ITFG1: variants seen among roughly 807,000 people sequenced by gnomAD.
The protein encoded by ITFG1 is T-cell immunomodulatory protein.
In ITFG1, 34 loss-of-function variants were observed where a neutral mutation model predicts 81.8. That is an observed-to-expected ratio of 0.42 (90% CI 0.32 to 0.55). The LOEUF is 0.55. Among genes scored for constraint, ITFG1 ranks in the 20% least tolerant of loss-of-function variants. ITFG1 has a pLI of 0.17. For missense variants in ITFG1, 672 were observed against 755.4 expected (o/e 0.89, Z 1.29); for synonymous variants, 285 against 270.6 (o/e 1.05, Z -0.52).
At chr16:47,326,516 A>G (rs1967546431) in intron 8 of ITFG1, among the ~76,000 whole-genome samples, 1 of 152,192 alleles carries the variant, frequency 6.6e-6, no homozygotes, top group Non-Finnish European at 1.5e-5. Context: ...TTCAATTAGG[A>G]AAAGAGGAAG....
At chr16:47,312,194 C>A (rs527994609) in intron 9 of ITFG1, 15 of 152,266 alleles carry the variant, frequency 9.9e-5, no homozygotes, top group African/African-American at 3.6e-4. Flanking sequence ...GAGCGGAAAT[C>A]ATGCCATTAA....
chr16:47,183,471 C>T (rs917996891), intron 14 of ITFG1, among the ~76,000 whole-genome samples: 1 of 152,104 alleles, frequency 6.6e-6, no homozygotes, highest in African/African-American at 2.4e-5. Context: ...GGTCCCTGAC[C>T]CCTGACCCCT....
At chr16:47,157,205 G>A (rs769525808) in intron 17 of ITFG1, among the ~76,000 whole-genome samples, 16 of 152,152 alleles carry the variant, frequency 1.1e-4, no homozygotes, top group Non-Finnish European at 1.5e-4. Flanking sequence ...TGGAAATGGG[G>A]AAGGACCTTT....
intron 14 of ITFG1, among the ~76,000 whole-genome samples, chr16:47,209,784 G>A (rs892392247): frequency 3.3e-5 from 5 of 152,108 alleles, no homozygotes; most frequent in African/African-American, 1.2e-4. Flanking sequence ...CTTTAGAAAT[G>A]TTATACAAAT....
At chr16:47,168,557 T>C (rs536061949) in intron 14 of ITFG1, among the ~76,000 whole-genome samples, 303 of 149,506 alleles carry the variant, frequency 2.0e-3, no homozygotes, top group African/African-American at 7.1e-3. Flanking sequence ...TTTTTTTTTT[T>C]TTTTTTTTTT....
At chr16:47,313,312 A>T (rs1476828421) in intron 9 of ITFG1, among the ~76,000 whole-genome samples, 1 of 152,180 alleles carries the variant, frequency 6.6e-6, no homozygotes, top group Non-Finnish European at 1.5e-5. Context: ...TGACTGTCAG[A>T]TTCTAAATTG....
At position 47,428,864 on chromosome 16, in the gene ITFG1, T is replaced by C; in HGVS notation, c.595A>G (p.Ser199Gly). ...TGAGAATGTGGAATTCGCATTTTAC[T>C]TGTAGTGGTCAATGCTGGATGCCAT... ...LSWHPALTTT[S>G]KMRIPHSHAF... Residue 199 changes from serine (S) to glycine (G), a missense_variant, in exon 6 of 18, where the codon AGT (serine) becomes GGT (glycine). Coordinates refer to ENST00000320640, the MANE Select transcript of ITFG1 (RefSeq NM_030790.5). 8 of 1,609,722 alleles carry C rather than the reference T, an allele frequency of 5.0e-6. No individual in the cohort carries two copies. Among genetic ancestry groups the C allele is most frequent in the Non-Finnish European group, 6.8e-6 (8 of 1,177,542 alleles).
At position 47,311,764 on chromosome 16, in the gene ITFG1, T is replaced by C. The variant is rs9940262; in HGVS notation, c.898-352A>G. The C allele has an allele frequency of 3.9e-3, 646 of 164,674 alleles. 6 individuals are homozygous for C. The highest frequency in any genetic ancestry group is 0.015 in the African/African-American group (617 of 41,866). The allele number at this position is 164,674 out of a possible 1,614,324, so 10.2% of individuals were successfully genotyped here. On this transcript the variant is annotated intron_variant, in intron 9 of 17. Coordinates refer to ENST00000320640, the MANE Select transcript of ITFG1 (RefSeq NM_030790.5). ...GTGTCACATAGAAACACTCGAACGT[T>C]TAAAAAAAACTAGAGCAAGCTGTAA...
At chr16:47,400,702 G>GGAGGTAGGGGAAGCAAA (rs112500782) in intron 6 of ITFG1, among the ~76,000 whole-genome samples, 8 of 151,720 alleles carry the variant, frequency 5.3e-5, no homozygotes, top group East Asian at 1.9e-4. Context: ...TTCAGCGAAA[G>GGAGGTAGGGGAAGCAAA]GAGGTAGGGG....
At chr16:47,422,540 TG>T (rs1204660813) in intron 6 of ITFG1, among the ~76,000 whole-genome samples, 1 of 152,220 alleles carries the variant, frequency 6.6e-6, no homozygotes, top group Non-Finnish European at 1.5e-5. Flanking sequence ...CTTTTTCTAT[TG>T]ATTGAAATAG....
chr16:47,365,722 A>G, intron 8 of ITFG1, 66 bp downstream of exon 8: 1 of 941,254 alleles, frequency 1.1e-6, no homozygotes, highest in Non-Finnish European at 1.7e-6. Context: ...TAATATAAAT[A>G]GAACAGAAAG....
intron 13 of ITFG1, among the ~76,000 whole-genome samples, chr16:47,233,184 A>G (rs1965835790): frequency 6.6e-6 from 1 of 152,232 alleles, no homozygotes; most frequent in Admixed American, 6.5e-5. Context: ...ATAAGAAAAA[A>G]GCAAAGAAAC....
intron 10 of ITFG1, among the ~76,000 whole-genome samples, chr16:47,265,086 T>C (rs887349435): frequency 1.3e-5 from 2 of 151,974 alleles, no homozygotes; most frequent in South Asian, 2.1e-4. Flanking sequence ...TATAGCACAG[T>C]ACACATTTAA....
intron 5 of ITFG1, among the ~76,000 whole-genome samples, chr16:47,430,603 T>A (rs1457657694): frequency 6.6e-6 from 1 of 152,202 alleles, no homozygotes; most frequent in African/African-American, 2.4e-5. Flanking sequence ...CAAGGTTTTC[T>A]AATATTGTGG....
chr16:47,376,980 A>AAAAAAATAAAAAAAT (rs1968334112), intron 6 of ITFG1, among the ~76,000 whole-genome samples: 2 of 150,076 alleles, frequency 1.3e-5, no homozygotes, highest in African/African-American at 5.0e-5. Context: ...AAAAAAAAAA[A>AAAAAAATAAAAAAAT]AAAAAAAAAA....
intron 14 of ITFG1, among the ~76,000 whole-genome samples, chr16:47,195,668 TC>T (rs1321206782): frequency 7.9e-5 from 12 of 152,226 alleles, no homozygotes; most frequent in Admixed American, 6.5e-4. Context: ...CATTTCTTAA[TC>T]AATTTCCTCA....
chr16:47,428,303 T>C (rs991959468), intron 6 of ITFG1, among the ~76,000 whole-genome samples: 2 of 152,134 alleles, frequency 1.3e-5, no homozygotes, highest in Non-Finnish European at 2.9e-5. Context: ...GTAGGTGCAT[T>C]TACAGGGGAA....
intron 6 of ITFG1, among the ~76,000 whole-genome samples, chr16:47,376,980 A>C: frequency 6.7e-6 from 1 of 150,186 alleles, no homozygotes; most frequent in Non-Finnish European, 1.5e-5. Flanking sequence ...AAAAAAAAAA[A>C]AAAAAAAAAA....
At chr16:47,233,830 T>A (rs902372627) in intron 13 of ITFG1, among the ~76,000 whole-genome samples, 1 of 152,134 alleles carries the variant, frequency 6.6e-6, no homozygotes, top group Non-Finnish European at 1.5e-5. Context: ...CAGTACTTCA[T>A]CAACTGGGCT....
Sources: gnomAD v4.1 joint callset for allele counts (sites outside exome capture counted in the v4.1 genomes callset) on GRCh38, gnomAD v4.1.1 for gene constraint, MANE v1.5 for transcripts, NCBI Gene and HGNC (gene_info 2026-07-23, HGNC 2026-07-21) for gene names.